The following CSMD3 variants were observed in gnomAD, a reference collection of about 807,000 sequenced individuals.
CSMD3 encodes the protein CUB and sushi domain-containing protein 3.
In CSMD3, 177 loss-of-function variants were observed where a neutral mutation model predicts 435.2. The ratio of observed to expected loss-of-function variants is 0.41; its 90% confidence interval spans 0.36 to 0.46. CSMD3 has a LOEUF of 0.46. Among genes scored for constraint, CSMD3 ranks in the 20% least tolerant of loss-of-function variants. The pLI is 0.34. For synonymous variants in CSMD3, 1,656 were observed against 1,520.5 expected (o/e 1.09, Z -2.07); for missense variants, 4,265 against 4,504.6 (o/e 0.95, Z 1.52).
At chr8:112,711,983 G>A (rs1381009744) in intron 13 of CSMD3, among the ~76,000 whole-genome samples, 5 of 152,130 alleles carry the variant, frequency 3.3e-5, no homozygotes, top group Admixed American at 1.3e-4. Flanking sequence ...TTAAGCTACT[G>A]GCGGTATGTG....
chr8:113,224,085 T>C (rs1034624576), intron 3 of CSMD3, among the ~76,000 whole-genome samples: 9 of 150,926 alleles, frequency 6.0e-5, no homozygotes, highest in African/African-American at 1.9e-4. Context: ...TCCTACAATT[T>C]CACACCTTCA....
intron 27 of CSMD3, among the ~76,000 whole-genome samples, chr8:112,518,558 CT>C (rs1823925439): frequency 6.6e-6 from 1 of 151,022 alleles, no homozygotes. Flanking sequence ...ATCAAAGAAT[CT>C]GAGGAATTAT....
At chr8:112,571,584 G>A (rs1410804433) in intron 24 of CSMD3, among the ~76,000 whole-genome samples, 3 of 151,612 alleles carry the variant, frequency 2.0e-5, no homozygotes, top group African/African-American at 7.3e-5. Context: ...AAGCAGAAAT[G>A]CAGGCTGGGC....
At chr8:112,879,061 G>A (rs1214137538) in intron 10 of CSMD3, among the ~76,000 whole-genome samples, 3 of 152,102 alleles carry the variant, frequency 2.0e-5, no homozygotes, top group South Asian at 2.1e-4. Context: ...GATGTTCAGG[G>A]AACAGGGGAG....
At chr8:112,530,796 GC>G (rs1286292813) in intron 27 of CSMD3, among the ~76,000 whole-genome samples, 1 of 152,192 alleles carries the variant, frequency 6.6e-6, no homozygotes, top group African/African-American at 2.4e-5. Flanking sequence ...TTGACTCCGA[GC>G]CAATACCCAC....
At chr8:112,604,787 G>T (rs1832662695) in intron 22 of CSMD3, among the ~76,000 whole-genome samples, 1 of 152,014 alleles carries the variant, frequency 6.6e-6, no homozygotes, top group African/African-American at 2.4e-5. Context: ...TAACAAAGAG[G>T]ACCTAATTGA....
At chr8:112,801,486 ACAC>A (rs1003723884) in intron 12 of CSMD3, among the ~76,000 whole-genome samples, 7 of 152,086 alleles carry the variant, frequency 4.6e-5, no homozygotes, top group Non-Finnish European at 7.4e-5. Context: ...ACACTGAAGA[ACAC>A]CATAAGATAC....
chr8:112,460,844 T>C (rs184224372), intron 32 of CSMD3, among the ~76,000 whole-genome samples: 2 of 152,184 alleles, frequency 1.3e-5, no homozygotes, highest in East Asian at 3.9e-4. Context: ...AGCCGCTAGG[T>C]TGAAATGTTA....
rs140610587 is a variant in CSMD3 at position 113,152,003 on chromosome 8, C to T, written c.709+21719G>A. ...GTCCTTGAGTACATTTCCAGAGTAA[C>T]TTTTACATGGGGGTTTTTAGAGTAT... On this transcript the variant is annotated intron_variant, in intron 4 of 70. Coordinates refer to ENST00000297405, the MANE Select transcript of CSMD3 (RefSeq NM_198123.2). Among the ~76,000 whole-genome samples the T allele has an allele frequency of 5.3e-3, 809 of 151,990 alleles. 5 individuals carry two copies. Among genetic ancestry groups the T allele is most frequent in the Middle Eastern group, 0.01 (3 of 294 alleles).
At chr8:112,650,470 T>C in intron 18 of CSMD3, 121 bp from the exon 19 acceptor site, 1 of 819,992 alleles carries the variant, frequency 1.2e-6, no homozygotes, top group Middle Eastern at 3.4e-4. Context: ...GTACTCGTAC[T>C]TCATTTTTAA....
chr8:112,463,569 C>G (rs1817666082), intron 32 of CSMD3, among the ~76,000 whole-genome samples: 1 of 152,140 alleles, frequency 6.6e-6, no homozygotes, highest in Admixed American at 6.5e-5. Context: ...TCCAAGTTAT[C>G]ACAGTTTTAA....
chr8:112,488,092 G>T (rs1183033044), intron 31 of CSMD3, among the ~76,000 whole-genome samples: 1 of 151,954 alleles, frequency 6.6e-6, no homozygotes, highest in South Asian at 2.1e-4. Flanking sequence ...CACTGAACAG[G>T]ACTTACCACA....
chr8:112,718,982 G>A (rs1334251222), intron 13 of CSMD3, among the ~76,000 whole-genome samples: 10 of 152,094 alleles, frequency 6.6e-5, no homozygotes, highest in Admixed American at 5.9e-4. Context: ...CAAATGAAGA[G>A]AAAGCATTTT....
At chr8:113,260,280 A>G (rs1184773853) in intron 3 of CSMD3, among the ~76,000 whole-genome samples, 3 of 152,148 alleles carry the variant, frequency 2.0e-5, no homozygotes, top group African/African-American at 7.2e-5. Flanking sequence ...TTCTAATCCT[A>G]TGCCATTCCT....
chr8:112,379,304 T>C (rs1242472584), intron 38 of CSMD3, among the ~76,000 whole-genome samples: 1 of 152,072 alleles, frequency 6.6e-6, no homozygotes, highest in Non-Finnish European at 1.5e-5. Flanking sequence ...ACCCTGTCTC[T>C]ACTAAAAATA....
Position 112,382,576 on chromosome 8 carries a change from A to ATTTATATT in CSMD3, c.6031+983_6031+990dup, listed in dbSNP as rs374908400. Among the ~76,000 whole-genome samples, 398 of 152,294 alleles carry ATTTATATT rather than the reference A, an allele frequency of 2.6e-3. 1 individual carries two copies. The highest frequency in any genetic ancestry group is 3.7e-3 in the Non-Finnish European group (253 of 68,024). On this transcript the variant is annotated intron_variant, in intron 37 of 70. Coordinates refer to ENST00000297405, the MANE Select transcript of CSMD3 (RefSeq NM_198123.2). ...TTGAGTAAGTTAATATGTTAGCTAT[A>ATTTATATT]TTTATATTTCTAGAGTTTAAAAAGT...
chr8:112,287,302 C>T, intron 57 of CSMD3, 56 bp from the exon 58 acceptor site: 1 of 1,563,454 alleles, frequency 6.4e-7, no homozygotes, highest in East Asian at 2.2e-5. Flanking sequence ...ATTAAGTTTA[C>T]CAGTTAGTCC....
intron 38 of CSMD3, among the ~76,000 whole-genome samples, chr8:112,358,042 G>A (rs945085303): frequency 1.3e-5 from 2 of 152,190 alleles, no homozygotes; most frequent in African/African-American, 4.8e-5. Flanking sequence ...ACCCTGCAGA[G>A]CCACGAGGGT....
At chr8:112,717,146 G>T (rs1426907310) in intron 13 of CSMD3, among the ~76,000 whole-genome samples, 2 of 151,378 alleles carry the variant, frequency 1.3e-5, no homozygotes, top group Non-Finnish European at 2.9e-5. Flanking sequence ...TAAAAAATGG[G>T]AGAAATTTTT....
Sources: gnomAD v4.1 joint callset for allele counts (sites outside exome capture counted in the v4.1 genomes callset) on GRCh38, gnomAD v4.1.1 for gene constraint, MANE v1.5 for transcripts, NCBI Gene and HGNC (gene_info 2026-07-23, HGNC 2026-07-21) for gene names.